TCF4: variants seen among roughly 807,000 people sequenced by gnomAD.
The protein encoded by TCF4 is SL3-3 enhancer factor 2.
In TCF4, 3 loss-of-function variants were observed where a neutral mutation model predicts 82.1. That is an observed-to-expected ratio of 0.04 (90% CI 0.02 to 0.09). The LOEUF is 0.09. Among genes scored for constraint, TCF4 ranks in the 10% least tolerant of loss-of-function variants. The probability of loss-of-function intolerance (pLI) is 1.00; values close to 1 mark genes in which losing one functional copy is unlikely to be tolerated. For synonymous variants in TCF4, 276 were observed against 309.6 expected (o/e 0.89, Z 1.14); for missense variants, 518 against 852.7 (o/e 0.61, Z 4.89).
intron 8 of TCF4, among the ~76,000 whole-genome samples, chr18:55,312,338 T>C (rs2072765969): frequency 6.6e-6 from 1 of 152,144 alleles, no homozygotes; most frequent in South Asian, 2.1e-4. Context: ...AACATGAAGA[T>C]TAAAAATGTA....
intron 3 of TCF4, among the ~76,000 whole-genome samples, chr18:55,469,839 A>C (rs1176657312): frequency 6.6e-6 from 1 of 152,208 alleles, no homozygotes; most frequent in Non-Finnish European, 1.5e-5. Flanking sequence ...CATTCTTGGA[A>C]ATAGGGCAGG....
intron 3 of TCF4, among the ~76,000 whole-genome samples, chr18:55,540,661 G>A (rs1015146600): frequency 2.6e-5 from 4 of 151,968 alleles, no homozygotes; most frequent in Non-Finnish European, 5.9e-5. Flanking sequence ...GTTTTATTCA[G>A]TTAACAAATA....
intron 5 of TCF4, among the ~76,000 whole-genome samples, chr18:55,419,082 C>T (rs2094630667): frequency 6.6e-6 from 1 of 152,108 alleles, no homozygotes; most frequent in Non-Finnish European, 1.5e-5. Flanking sequence ...ATCCGAGGGG[C>T]TTTTAAGTAC....
At chr18:55,403,697 G>A in intron 5 of TCF4, 179 bp from the exon 6 acceptor site, 1 of 1,546,844 alleles carries the variant, frequency 6.5e-7, no homozygotes. Flanking sequence ...TGATAAACTG[G>A]AAAAAAATAT....
intron 5 of TCF4, among the ~76,000 whole-genome samples, chr18:55,441,884 T>C (rs972538999): frequency 1.3e-5 from 2 of 152,134 alleles, no homozygotes; most frequent in African/African-American, 2.4e-5. Flanking sequence ...AAAAAGAACG[T>C]TGTCATACCC....
chr18:55,365,073 AAC>A, intron 6 of TCF4, among the ~76,000 whole-genome samples: 1 of 148,598 alleles, frequency 6.7e-6, no homozygotes, highest in Non-Finnish European at 1.5e-5. Context: ...GAATTGCTTG[AAC>A]TCGGGAGGTG....
chr18:55,450,871 C>T (rs931486220), intron 5 of TCF4, among the ~76,000 whole-genome samples: 1 of 152,182 alleles, frequency 6.6e-6, no homozygotes, highest in South Asian at 2.1e-4. Flanking sequence ...TGGGTTCTCC[C>T]TAGTCTCACC....
chr18:55,568,809 T>C, intron 3 of TCF4, among the ~76,000 whole-genome samples: 1 of 152,164 alleles, frequency 6.6e-6, no homozygotes, highest in East Asian at 1.9e-4. Flanking sequence ...TATGCCAATC[T>C]TACTTGTAAG....
intron 6 of TCF4, among the ~76,000 whole-genome samples, chr18:55,397,889 C>T (rs1408244799): frequency 6.6e-6 from 1 of 152,116 alleles, no homozygotes; most frequent in Non-Finnish European, 1.5e-5. Flanking sequence ...CAAGAAAATA[C>T]TGTATAACAA....
At chr18:55,374,938 T>C (rs963464869) in intron 6 of TCF4, among the ~76,000 whole-genome samples, 1 of 145,822 alleles carries the variant, frequency 6.9e-6, no homozygotes, top group African/African-American at 2.5e-5. Context: ...TCCCCTCTTA[T>C]ATAAGCTATT....
intron 2 of TCF4, among the ~76,000 whole-genome samples, chr18:55,618,570 C>A (rs1000938253): frequency 1.3e-5 from 2 of 151,214 alleles, no homozygotes; most frequent in Admixed American, 1.3e-4. Context: ...TACAATTTTT[C>A]TTTTCTCTTT....
rs138774096 is a variant in TCF4 at position 55,409,936 on chromosome 18, T to C, written c.305-6418A>G. ...CAACATTTCAGAGAAGAGTACTGGT[T>C]CTCTCCTACAGAATCTTACGATACA... On this transcript the variant is annotated intron_variant, in intron 5 of 19. Coordinates refer to ENST00000354452, the MANE Select transcript of TCF4 (RefSeq NM_001083962.2). 2.6e-3 allele frequency among the ~76,000 whole-genome samples: 396 copies of C among 152,266 alleles called. 6 individuals carry two copies. Among genetic ancestry groups the C allele is most frequent in the African/African-American group, 9.0e-3 (372 of 41,540 alleles).
chr18:55,229,347 T>A, intron 17 of TCF4: 1 of 496,244 alleles, frequency 2.0e-6, no homozygotes, highest in Non-Finnish European at 3.7e-6. Context: ...GGTGTGCCCA[T>A]ACTGATACAG....
At chr18:55,341,214 TAGAGAC>T (rs1322149728) in intron 8 of TCF4, among the ~76,000 whole-genome samples, 1 of 152,200 alleles carries the variant, frequency 6.6e-6, no homozygotes, top group East Asian at 1.9e-4. Flanking sequence ...ACAGAAACTT[TAGAGAC>T]AGGCTGCCCA....
upstream of TCF4, chr18:55,589,221 A>G: frequency 9.8e-7 from 1 of 1,023,176 alleles, no homozygotes; most frequent in Non-Finnish European, 1.2e-6. Context: ...TTGTTTTAAT[A>G]AAACATCGGG....
At chr18:55,345,313 CA>C (rs2080932401) in intron 8 of TCF4, among the ~76,000 whole-genome samples, 1 of 148,938 alleles carries the variant, frequency 6.7e-6, no homozygotes, top group Non-Finnish European at 1.5e-5. Context: ...AAAAAACGCA[CA>C]TGCTGAACTA....
chr18:55,512,598 TTTAA>T (rs1456091664), intron 3 of TCF4, among the ~76,000 whole-genome samples: 4 of 152,082 alleles, frequency 2.6e-5, no homozygotes, highest in Non-Finnish European at 5.9e-5. Flanking sequence ...TAGACAGATA[TTTAA>T]TTATAGTTTC....
intron 8 of TCF4, among the ~76,000 whole-genome samples, chr18:55,285,379 T>C (rs2063460803): frequency 6.6e-6 from 1 of 152,240 alleles, no homozygotes; most frequent in Non-Finnish European, 1.5e-5. Context: ...TCAAACATAA[T>C]TCTTAATCTG....
chr18:55,589,850 T>G (rs773506168), upstream of TCF4: 1 of 1,001,252 alleles, frequency 1.0e-6, no homozygotes. Flanking sequence ...AGACAATGAC[T>G]GGGAAGGGGC....
Sources: allele counts gnomAD v4.1 joint callset (sites outside exome capture counted in the v4.1 genomes callset), GRCh38; gene constraint gnomAD v4.1.1; transcripts MANE v1.5; gene names NCBI Gene and HGNC (gene_info 2026-07-23, HGNC 2026-07-21).